Variants in SETDB2 observed in about 807,000 individuals in gnomAD.
SETDB2 encodes histone-lysine N-methyltransferase SETDB2.
In SETDB2, 56 loss-of-function variants were observed where a neutral mutation model predicts 82.5. That is an observed-to-expected ratio of 0.68 (90% confidence interval 0.55 to 0.85). The LOEUF (loss-of-function observed/expected upper bound fraction) is 0.85. Among genes scored for constraint, SETDB2 ranks in the 40% least tolerant of loss-of-function variants. The probability of loss-of-function intolerance (pLI) is 0.00; values close to 1 mark genes in which losing one functional copy is unlikely to be tolerated. For synonymous variants in SETDB2, 272 were observed against 284.9 expected (o/e 0.95, Z 0.46); for missense variants, 677 against 816.4 (o/e 0.83, Z 2.08).
intron 13 of SETDB2, 110 bp downstream of exon 13, chr13:49,491,020 A>G (rs1594187030): frequency 1.3e-6 from 1 of 758,452 alleles, no homozygotes. Context: ...TGGGAGGCCA[A>G]GGTGGGGAGA....
intron 1 of SETDB2, 134 bp downstream of exon 1, chr13:49,444,991 T>C (rs894199106): frequency 6.6e-6 from 1 of 152,236 alleles, no homozygotes; most frequent in East Asian, 1.9e-4. Flanking sequence ...GAAAGATATG[T>C]AATTAACTGT....
At chr13:49,446,357 T>A (rs1255160582) in intron 1 of SETDB2, 1 of 456,154 alleles carries the variant, frequency 2.2e-6, no homozygotes, top group Non-Finnish European at 4.4e-6. Context: ...TGAAAGTTCG[T>A]ATATGATAAA....
chr13:49,449,568 A>AT (rs200652208), intron 1 of SETDB2, among the ~76,000 whole-genome samples: 255 of 150,898 alleles, frequency 1.7e-3, no homozygotes, highest in African/African-American at 5.2e-3. Flanking sequence ...TTCTTTGTTC[A>AT]TTTTTTTTTA....
At chr13:49,471,989 T>C (rs1354724930) in intron 5 of SETDB2, among the ~76,000 whole-genome samples, 1 of 149,384 alleles carries the variant, frequency 6.7e-6, no homozygotes, top group Non-Finnish European at 1.5e-5. Flanking sequence ...CAGGCTGATC[T>C]TGATCTCCTG....
rs535298698 is a variant in SETDB2, at chr13:49,460,036, A to G, written c.17-71A>G. 1.3e-4 allele frequency: 199 copies of G among 1,478,946 alleles called. 2 individuals carry two copies. The South Asian group carries it at 2.2e-3, about 16-fold the overall frequency. 91.6% of individuals were successfully genotyped at this position (1,478,946 alleles called of 1,614,324 possible). ...GTTTAGAAACCAAGTAGATTGTTCT[A>G]TAACATGTTCTTAGATAAATTATAG... On this transcript the variant is annotated intron_variant, in intron 2 of 13. Transcript: ENST00000611815.
At position 49,478,436 on chromosome 13, in the gene SETDB2, AAAG is replaced by A. The variant is rs1958415602; in HGVS notation, c.869+1398_869+1400del. Among the ~76,000 whole-genome samples, 5 of 152,154 alleles carry A rather than the reference AAAG, an allele frequency of 3.3e-5. No individual in the cohort carries two copies. The South Asian group carries it at 1.0e-3, about 32-fold the overall frequency. Reference sequence around the variant, plus strand: ...TGGGGTCAGAGCCAAAGCGTTGGAGAAAGCACCCAATGTAGAGCAGCACACAGG... The same window carrying A: ...TGGGGTCAGAGCCAAAGCGTTGGAGACACCCAATGTAGAGCAGCACACAGG... On this transcript the variant is annotated intron_variant, in intron 6 of 13. Transcript: ENST00000611815.
intron 6 of SETDB2, among the ~76,000 whole-genome samples, chr13:49,478,445 A>G (rs1018810792): frequency 6.6e-6 from 1 of 152,188 alleles, no homozygotes; most frequent in Non-Finnish European, 1.5e-5. Flanking sequence ...GAAAGCACCC[A>G]ATGTAGAGCA....
chr13:49,454,603 A>G (rs937949057), intron 2 of SETDB2, among the ~76,000 whole-genome samples: 10 of 152,196 alleles, frequency 6.6e-5, no homozygotes, highest in Admixed American at 2.0e-4. Flanking sequence ...ATACATTTGT[A>G]ATACAGTTAG....
At chr13:49,462,294 A>G (rs1220837944) in intron 4 of SETDB2, among the ~76,000 whole-genome samples, 1 of 152,186 alleles carries the variant, frequency 6.6e-6, no homozygotes, top group African/African-American at 2.4e-5. Flanking sequence ...CTTTCTGACA[A>G]CCAGCCCCCA....
intron 6 of SETDB2, among the ~76,000 whole-genome samples, chr13:49,478,796 C>T (rs139385498): frequency 5.9e-5 from 9 of 152,114 alleles, no homozygotes; most frequent in East Asian, 1.9e-4. Context: ...CGTGGTGGGA[C>T]GCCCTTGTAG....
intron 5 of SETDB2, among the ~76,000 whole-genome samples, chr13:49,470,734 A>G (rs181198561): frequency 1.1e-3 from 163 of 152,278 alleles, no homozygotes; most frequent in African/African-American, 3.8e-3. Flanking sequence ...CTGTGGTCCC[A>G]GCTACTTGGG....
intron 4 of SETDB2, among the ~76,000 whole-genome samples, chr13:49,465,691 C>T (rs941686561): frequency 6.6e-6 from 1 of 152,118 alleles, no homozygotes; most frequent in African/African-American, 2.4e-5. Flanking sequence ...CACCTGCCAC[C>T]ACACCTGGCT....
At chr13:49,484,370 A>G (rs2138977174) in intron 10 of SETDB2, among the ~76,000 whole-genome samples, 1 of 152,244 alleles carries the variant, frequency 6.6e-6, no homozygotes, top group Non-Finnish European at 1.5e-5. Context: ...CCTGGGTTCA[A>G]GCGATTCCCC....
At chr13:49,478,354 A>G (rs1958412592) in intron 6 of SETDB2, among the ~76,000 whole-genome samples, 1 of 152,224 alleles carries the variant, frequency 6.6e-6, no homozygotes, top group African/African-American at 2.4e-5. Context: ...CTAGGCCAGT[A>G]TCTCACAGGG....
At position 49,492,303 on chromosome 13, in the gene SETDB2, G is replaced by C. The variant is rs981685297; in HGVS notation, c.*454G>C. 2 of 172,684 alleles carry C rather than the reference G, an allele frequency of 1.2e-5. No homozygotes were observed. The highest frequency in any genetic ancestry group is 2.5e-5 in the Non-Finnish European group (2 of 80,310). 10.7% of individuals were successfully genotyped at this position (172,684 alleles called of 1,614,324 possible). A position where few individuals can be genotyped will look rare whatever the true frequency, so the allele number is the denominator to read the frequency against. Reference sequence around the variant, plus strand: ...AATAATTTACCATTATGAGCTACAAGGTGGGCAACAGCGCCTGAGGATCTA... The same window carrying C: ...AATAATTTACCATTATGAGCTACAACGTGGGCAACAGCGCCTGAGGATCTA... On this transcript the variant is annotated 3_prime_UTR_variant, in exon 14 of 14. Coordinates refer to ENST00000611815, the MANE Select transcript of SETDB2 (RefSeq NM_001160308.3).
chr13:49,460,985 C>T (rs1957981138), intron 3 of SETDB2, 112 bp from the exon 4 acceptor site: 3 of 757,354 alleles, frequency 4.0e-6, no homozygotes, highest in Non-Finnish European at 6.5e-6. Context: ...GTCCTATTAA[C>T]CTCTCAGAGG....
At chr13:49,464,126 A>C (rs1958053665) in intron 4 of SETDB2, 1 of 757,942 alleles carries the variant, frequency 1.3e-6, no homozygotes, top group Admixed American at 1.8e-5. Flanking sequence ...CTTCTGGAAG[A>C]ACACATGACT....
At chr13:49,472,922 G>C (rs1002601586) in intron 5 of SETDB2, among the ~76,000 whole-genome samples, 1 of 151,958 alleles carries the variant, frequency 6.6e-6, no homozygotes, top group African/African-American at 2.4e-5. Context: ...TTTTAATCTA[G>C]TTTGGCTTTC....
intron 5 of SETDB2, among the ~76,000 whole-genome samples, chr13:49,470,966 CTT>C (rs55920370): frequency 1.2e-5 from 1 of 80,484 alleles, no homozygotes. Context: ...TTCTTTCTTT[CTT>C]TTTTTTTTTT....
Sources: gnomAD v4.1 joint callset for allele counts (sites outside exome capture counted in the v4.1 genomes callset) on GRCh38, gnomAD v4.1.1 for gene constraint, MANE v1.5 for transcripts, NCBI Gene and HGNC (gene_info 2026-07-23, HGNC 2026-07-21) for gene names.